PCDHA13: variants seen among roughly 807,000 people sequenced by gnomAD.
PCDHA13 encodes the protein protocadherin alpha 13.
Under a neutral mutation model 64.8 loss-of-function variants are expected in PCDHA13, and 54 were observed. The observed-to-expected ratio is 0.83, with a 90% CI of 0.67 to 1.04. The LOEUF (loss-of-function observed/expected upper bound fraction) is 1.04. Among genes scored for constraint, PCDHA13 ranks in the 50% least tolerant of loss-of-function variants. PCDHA13 has a pLI of 0.00. For synonymous variants in PCDHA13, 587 were observed against 564.4 expected (o/e 1.04, Z -0.57); for missense variants, 1,248 against 1,254.3 (o/e 0.99, Z 0.08).
intron 1 of PCDHA13, among the ~76,000 whole-genome samples, chr5:140,917,083 T>C (rs2077876290): frequency 6.6e-6 from 1 of 152,078 alleles, no homozygotes; most frequent in South Asian, 2.1e-4. Flanking sequence ...TAATGTAAAG[T>C]TCCCCAGTTG....
At chr5:140,965,561 A>T (rs2095912417) in intron 1 of PCDHA13, among the ~76,000 whole-genome samples, 1 of 152,114 alleles carries the variant, frequency 6.6e-6, no homozygotes, top group Admixed American at 6.5e-5. Context: ...TTAGGAGATC[A>T]ACAGTAACGC....
At chr5:141,005,199 C>T (rs2098200928) in intron 3 of PCDHA13, among the ~76,000 whole-genome samples, 1 of 152,208 alleles carries the variant, frequency 6.6e-6, no homozygotes, top group African/African-American at 2.4e-5. Flanking sequence ...TCCTTTCATT[C>T]ATTCATCCAG....
intron 3 of PCDHA13, among the ~76,000 whole-genome samples, chr5:141,003,459 GCAC>G (rs1442979686): frequency 6.6e-6 from 1 of 152,028 alleles, no homozygotes; most frequent in African/African-American, 2.4e-5. Context: ...TTACAGGCGT[GCAC>G]CACCACAGTC....
chr5:140,979,585 G>T (rs1486792990), intron 2 of PCDHA13, among the ~76,000 whole-genome samples: 1 of 152,156 alleles, frequency 6.6e-6, no homozygotes, highest in Non-Finnish European at 1.5e-5. Context: ...TCCAAATCTA[G>T]CTTACTTTAA....
At chr5:141,004,843 A>G (rs2098184369) in intron 3 of PCDHA13, among the ~76,000 whole-genome samples, 1 of 152,230 alleles carries the variant, frequency 6.6e-6, no homozygotes, top group African/African-American at 2.4e-5. Context: ...CAAAGTCATT[A>G]GTCTCAGAGA....
intron 3 of PCDHA13, among the ~76,000 whole-genome samples, chr5:140,983,358 T>C (rs1374842008): frequency 6.6e-6 from 1 of 152,224 alleles, no homozygotes; most frequent in Non-Finnish European, 1.5e-5. Context: ...GTAATAGAAA[T>C]ATGGCTTTGG....
intron 3 of PCDHA13, among the ~76,000 whole-genome samples, chr5:140,985,803 G>T (rs536777034): frequency 2.9e-5 from 4 of 139,766 alleles, no homozygotes; most frequent in Non-Finnish European, 6.0e-5. Context: ...GCAGTGGCAC[G>T]ATCTCAGCTC....
At chr5:140,903,585 T>C (rs928775971) in intron 1 of PCDHA13, among the ~76,000 whole-genome samples, 2 of 152,224 alleles carry the variant, frequency 1.3e-5, no homozygotes, top group Non-Finnish European at 2.9e-5. Context: ...TAGCTGGTGT[T>C]GGCCTGATAA....
intron 1 of PCDHA13, among the ~76,000 whole-genome samples, chr5:140,962,085 C>T (rs565561726): frequency 2.0e-5 from 3 of 151,950 alleles, no homozygotes; most frequent in Non-Finnish European, 4.4e-5. Context: ...CGGGGTTTCA[C>T]CATGTTAGCC....
At chr5:141,001,455 G>T (rs2098019131) in intron 3 of PCDHA13, among the ~76,000 whole-genome samples, 1 of 152,210 alleles carries the variant, frequency 6.6e-6, no homozygotes, top group Non-Finnish European at 1.5e-5. Flanking sequence ...ACTGTCAATT[G>T]AAGGACTAAG....
At chr5:140,912,139 GTTC>G (rs2075787473) in intron 1 of PCDHA13, among the ~76,000 whole-genome samples, 1 of 152,162 alleles carries the variant, frequency 6.6e-6, no homozygotes. Context: ...ATCTCTCCAT[GTTC>G]TTCTGCCTGT....
At chr5:140,992,416 C>T (rs3776107) in intron 3 of PCDHA13, among the ~76,000 whole-genome samples, 9,821 of 152,168 alleles carry the variant, frequency 0.065, 355 homozygotes, top group East Asian at 0.12. Context: ...TGCCCCAGGT[C>T]TAAGAATATT....
rs144072974 is a variant in PCDHA13 at position 140,938,897 on chromosome 5, G to GCA, written c.2395-40040_2395-40039dup. 1.4e-3 allele frequency among the ~76,000 whole-genome samples: 215 copies of GCA among 151,312 alleles called. 3 individuals carry two copies. The East Asian group carries it at 0.032, about 22-fold the overall frequency. Reference sequence around the variant, plus strand: ...AAGCAACACACACACACACAGATGCGCACACACACACACGCACAAGAAATT... The same window carrying GCA: ...AAGCAACACACACACACACAGATGCGCACACACACACACACGCACAAGAAATT... On this transcript the variant is annotated intron_variant, in intron 1 of 3. Coordinates refer to ENST00000289272, the MANE Select transcript of PCDHA13 (RefSeq NM_018904.3).
chr5:140,905,158 T>C (rs2071634583), intron 1 of PCDHA13, among the ~76,000 whole-genome samples: 1 of 152,256 alleles, frequency 6.6e-6, no homozygotes, highest in South Asian at 2.1e-4. Context: ...TTTAGAATTT[T>C]CATGGTTTCA....
At chr5:140,967,120 G>C in intron 1 of PCDHA13, 1 of 1,612,860 alleles carries the variant, frequency 6.2e-7, no homozygotes, top group East Asian at 2.2e-5. Flanking sequence ...CTCGCTGCCT[G>C]CTCAGCTTGG....
chr5:140,897,540 A>C (rs1554187435), intron 1 of PCDHA13, among the ~76,000 whole-genome samples: 1 of 152,052 alleles, frequency 6.6e-6, no homozygotes, highest in Non-Finnish European at 1.5e-5. Flanking sequence ...ATGGCTGCAT[A>C]GTCTTCCATG....
intron 3 of PCDHA13, among the ~76,000 whole-genome samples, chr5:141,006,808 A>T (rs576819521): frequency 1.3e-5 from 2 of 152,322 alleles, no homozygotes; most frequent in East Asian, 3.9e-4. Flanking sequence ...TTCTGGCTTG[A>T]GAAATGGGGT....
intron 2 of PCDHA13, 90 bp downstream of exon 2, chr5:140,979,097 C>T (rs2096835129): frequency 9.0e-6 from 14 of 1,547,204 alleles, no homozygotes; most frequent in African/African-American, 1.4e-5. Context: ...AAGCAGCTGT[C>T]AAAACTAAAA....
chr5:140,972,280 T>C (rs1210047183), intron 1 of PCDHA13, among the ~76,000 whole-genome samples: 1 of 151,092 alleles, frequency 6.6e-6, no homozygotes, highest in South Asian at 2.1e-4. Context: ...GCTTGGACCA[T>C]AGATGTGCGC....
Sources: gnomAD v4.1 joint callset for allele counts (sites outside exome capture counted in the v4.1 genomes callset) on GRCh38, gnomAD v4.1.1 for gene constraint, MANE v1.5 for transcripts, NCBI Gene and HGNC (gene_info 2026-07-23, HGNC 2026-07-21) for gene names.